Variants in RAF1 observed in about 807,000 individuals in gnomAD.
RAF1 encodes the protein Raf-1 proto-oncogene, serine/threonine kinase.
Under a neutral mutation model 81.1 loss-of-function variants are expected in RAF1, and 27 were observed. The ratio of observed to expected loss-of-function variants is 0.33; its 90% CI spans 0.25 to 0.46. The LOEUF (loss-of-function observed/expected upper bound fraction) is 0.46. RAF1 is among the 20% of genes least tolerant of loss of function. The pLI, the probability that RAF1 is intolerant of heterozygous loss-of-function variation, is 1.00. For synonymous variants in RAF1, 298 were observed against 294.0 expected, an observed-to-expected ratio of 1.01 and a Z score of -0.14; for missense variants, 598 against 826.0, an observed-to-expected ratio of 0.72 and a Z score of 3.38.
rs1235249267 is a variant in RAF1, at chr3:12,625,239, AT to A, written c.-26-6493del. Among the ~76,000 whole-genome samples, 11 of 151,990 alleles carry A rather than the reference AT, an allele frequency of 7.2e-5. No homozygotes were observed. The South Asian group carries it at 1.5e-3, about 20-fold the overall frequency. ...GCTGGGATCACAGGCATGCGCCACT[AT>A]GTCTGGCTAATTTTGTGTTTTTAGT... On this transcript the variant is annotated intron_variant, in intron 1 of 17. Transcript: ENST00000442415.
At chr3:12,647,919 C>T (rs1043776255) in intron 1 of RAF1, among the ~76,000 whole-genome samples, 7 of 152,190 alleles carry the variant, frequency 4.6e-5, no homozygotes, top group African/African-American at 1.7e-4. Flanking sequence ...ACAAAACAGA[C>T]TCCTACATTT....
chr3:12,631,337 G>A (rs570941833), intron 1 of RAF1, among the ~76,000 whole-genome samples: 2 of 152,272 alleles, frequency 1.3e-5, no homozygotes, highest in South Asian at 2.1e-4. Context: ...AGTGGCTCAC[G>A]CCTGTAATCC....
At position 12,603,495 on chromosome 3, in the gene RAF1, A is replaced by G. The variant is rs553789338; in HGVS notation, c.877T>C (p.Phe293Leu). 8.6e-6 allele frequency: 6 copies of G among 700,352 alleles called. No individual in the cohort carries two copies. The South Asian group carries it at 8.9e-5, about 10-fold the overall frequency. 43.4% of individuals were successfully genotyped at this position (700,352 alleles called of 1,614,324 possible). A position where few individuals can be genotyped will look rare whatever the true frequency, so the allele number is the denominator to read the frequency against. ...ATACCTACTCTTCCCCTCAAACAAA[A>G]TCGTCTGGACCACGCCCTGGGAGAA... Residue 293 changes from phenylalanine (F) to leucine (L), a missense_variant, in exon 8 of 18, where the codon TTT (phenylalanine) becomes CTT (leucine). By Grantham distance (22) the Phe-to-Leu change is conservative. Around this residue, in one of 5 missense-constraint regions of RAF1, gnomAD observed 194 missense variants for 202.7 expected, o/e 0.96. Coordinates refer to ENST00000442415, the MANE Select transcript of RAF1 (RefSeq NM_001354689.3).
chr3:12,598,692 C>T (rs2058756195), intron 11 of RAF1, among the ~76,000 whole-genome samples: 1 of 133,292 alleles, frequency 7.5e-6, no homozygotes, highest in African/African-American at 2.8e-5. Flanking sequence ...TGCCACTGTA[C>T]TCCAGCCTGG....
At chr3:12,585,365 G>GT in intron 15 of RAF1, 112 bp from the exon 15 acceptor site, 1 of 1,562,036 alleles carries the variant, frequency 6.4e-7, no homozygotes, top group Non-Finnish European at 8.6e-7. Context: ...CCATTCTTCA[G>GT]TCCCCACATA....
chr3:12,647,347 T>C (rs1471723244), intron 1 of RAF1, among the ~76,000 whole-genome samples: 1 of 148,808 alleles, frequency 6.7e-6, no homozygotes, highest in Non-Finnish European at 1.5e-5. Flanking sequence ...ACCCCTGTAA[T>C]CTCAGCACTT....
intron 1 of RAF1, among the ~76,000 whole-genome samples, chr3:12,662,504 AC>A (rs1353136076): frequency 1.1e-4 from 17 of 152,088 alleles, no homozygotes; most frequent in Admixed American, 1.1e-3. Context: ...AGACTCGGCA[AC>A]CCATGTACAA....
intron 2 of RAF1, 145 bp from the exon 3 acceptor site, chr3:12,612,207 T>C (rs549468649): frequency 1.4e-6 from 1 of 698,614 alleles, no homozygotes; most frequent in Non-Finnish European, 2.6e-6. Context: ...TGTCCAGCAA[T>C]AGGAAAGTAC....
At chr3:12,587,211 G>C (rs755133075) in intron 14 of RAF1, 2 of 238,002 alleles carry the variant, frequency 8.4e-6, no homozygotes, top group Non-Finnish European at 1.6e-5. Context: ...ATAACAAGCA[G>C]ATAGACATAC....
intron 1 of RAF1, among the ~76,000 whole-genome samples, chr3:12,628,754 G>GA (rs1314028667): frequency 1.1e-5 from 1 of 89,942 alleles, no homozygotes; most frequent in Non-Finnish European, 2.2e-5. Context: ...CTATTTTTGG[G>GA]GGGGGGGGGT....
In RAF1 at chr3:12,609,335, A is replaced by G. The variant is rs201937982; in HGVS notation, c.321T>C (p.Gly107=). 3.1e-6 allele frequency: 5 copies of G among 1,598,268 alleles called. No individual in the cohort carries two copies. In the Admixed American group the frequency reaches 6.7e-5, roughly 21 times the overall value. The change falls in exon 4 of 18, where the codon GGT becomes GGC. Residue 107 remains glycine (G), a splice_region_variant and synonymous_variant. Coordinates refer to ENST00000442415, the MANE Select transcript of RAF1 (RefSeq NM_001354689.3). ...TATTCCAATCTAAGCGTGCTTTTTT[A>G]CTAGAAAGGATTTAAAAAAAACATG... is the stretch of plus-strand genomic sequence containing the variant.
Position 12,626,956 on chromosome 3 carries a change from A to G in RAF1, c.-26-8209T>C, listed in dbSNP as rs1361437817. On this transcript the variant is annotated intron_variant, in intron 1 of 17. Coordinates refer to ENST00000442415, the MANE Select transcript of RAF1 (RefSeq NM_001354689.3). ...GGAGAATCGCTTGAACCCAGGAGGC[A>G]GAGGTTATAGTCAGCCAAAACTGTG... is the stretch of plus-strand genomic sequence containing the variant. Among the ~76,000 whole-genome samples, 3 of 150,764 alleles carry G rather than the reference A, an allele frequency of 2.0e-5. No homozygotes were observed. The Admixed American group carries it at 2.0e-4, about 10-fold the overall frequency.
intron 1 of RAF1, among the ~76,000 whole-genome samples, chr3:12,638,960 A>G (rs1243634366): frequency 2.0e-5 from 3 of 151,958 alleles, no homozygotes; most frequent in Non-Finnish European, 4.4e-5. Flanking sequence ...ACGTTTATTG[A>G]TTTGCATATG....
chr3:12,662,173 AT>A (rs111237709), intron 1 of RAF1, among the ~76,000 whole-genome samples: 16 of 147,952 alleles, frequency 1.1e-4, no homozygotes, highest in Admixed American at 6.8e-5. Context: ...CATCTCTACT[AT>A]TTTTTTTTTA....
At chr3:12,609,056 A>G (rs2125418013) in intron 4 of RAF1, 133 bp from the exon 5 acceptor site, 1 of 1,161,428 alleles carries the variant, frequency 8.6e-7, no homozygotes, top group Non-Finnish European at 1.3e-6. Flanking sequence ...TCATAATCAC[A>G]AATTAGAGTA....
chr3:12,590,504 C>T (rs2058480078), intron 13 of RAF1: 1 of 403,218 alleles, frequency 2.5e-6, no homozygotes, highest in Non-Finnish European at 4.7e-6. Flanking sequence ...CTTGTATTTT[C>T]AGTAGAAACA....
chr3:12,599,826 C>G lies in RAF1; in HGVS notation c.1051-18G>C. 1 of 1,542,830 alleles carries G rather than the reference C, an allele frequency of 6.5e-7. No individual in the cohort carries two copies. Among genetic ancestry groups the G allele is most frequent in the Non-Finnish European group, 9.0e-7 (1 of 1,114,968 alleles). ...CGAGGCCTCTGAAACAAGTAGAGAT[C>G]ATTATTATACTCCATGCAATGGTAA... On this transcript the variant is annotated intron_variant, in intron 10 of 17. Transcript: ENST00000442415.
At chr3:12,659,931 T>A (rs114435754) in intron 1 of RAF1, among the ~76,000 whole-genome samples, 5,219 of 152,164 alleles carry the variant, frequency 0.034, 313 homozygotes, top group African/African-American at 0.12. Context: ...AGGCAGTAGG[T>A]TACTAACAAA....
At chr3:12,646,163 G>A (rs149281966) in intron 1 of RAF1, among the ~76,000 whole-genome samples, 105 of 151,972 alleles carry the variant, frequency 6.9e-4, no homozygotes, top group African/African-American at 2.4e-3. Context: ...TTTTAGAGAC[G>A]GAGTCTCCCT....
Sources: gnomAD v4.1 joint callset for allele counts (sites outside exome capture counted in the v4.1 genomes callset) on GRCh38, gnomAD v4.1.1 for gene constraint, gnomAD v4.1.1 regional missense constraint, MANE v1.5 for transcripts, NCBI Gene and HGNC (gene_info 2026-07-23, HGNC 2026-07-21) for gene names.